Variants in MUC5AC observed in about 807,000 individuals in gnomAD.
MUC5AC encodes the protein mucin-5AC.
A neutral mutation model predicts 169.7 loss-of-function variants in MUC5AC; 158 were observed. The observed-to-expected ratio is 0.93, with a 90% CI of 0.82 to 1.06. The LOEUF (loss-of-function observed/expected upper bound fraction) is 1.06. Ranked by LOEUF, MUC5AC falls within the 50% of genes least tolerant of loss-of-function variation. The probability of loss-of-function intolerance (pLI) is 0.00; values close to 1 mark genes in which losing one functional copy is unlikely to be tolerated. For synonymous variants in MUC5AC, 1,975 were observed against 1,237.0 expected (o/e 1.60, Z -12.52); for missense variants, 4,359 against 3,089.9 (o/e 1.41, Z -9.74).
At chr11:1,195,457 G>A (rs2133774345) in intron 36 of MUC5AC, among the ~76,000 whole-genome samples, 178 bp downstream of exon 36, 1 of 151,786 alleles carries the variant, frequency 6.6e-6, no homozygotes, top group Non-Finnish European at 1.5e-5. Context: ...GGGAGGGGTG[G>A]GCAGTGGGGA....
chr11:1,175,499 C>A (rs1860647709), intron 19 of MUC5AC, among the ~76,000 whole-genome samples: 1 of 150,642 alleles, frequency 6.6e-6, no homozygotes. Flanking sequence ...GCTCACACAC[C>A]CACTCATGCA....
At chr11:1,169,221 T>A (rs544431044) in intron 15 of MUC5AC, 195 bp downstream of exon 15, 2 of 938,262 alleles carry the variant, frequency 2.1e-6, no homozygotes, top group South Asian at 9.9e-5. Context: ...ATGTGGGGCA[T>A]CTGCTTCAGG....
chr11:1,171,076 CCATT>C (rs1860506521), intron 15 of MUC5AC, among the ~76,000 whole-genome samples: 1 of 101,136 alleles, frequency 9.9e-6, no homozygotes, highest in Admixed American at 9.2e-5. Context: ...ACCGACTCAC[CCATT>C]CACACACTCA....
intron 1 of MUC5AC, 71 bp from the exon 2 acceptor site, chr11:1,160,541 C>A: frequency 7.5e-7 from 1 of 1,341,858 alleles, no homozygotes; most frequent in Non-Finnish European, 1.0e-6. Flanking sequence ...GTCCATGCTG[C>A]ATCTGTGGCC....
rs770715446 is a variant in MUC5AC, at chr11:1,200,559, G to A, written c.16822G>A (p.Glu5608Lys). 21 of 764,426 alleles carry A rather than the reference G, an allele frequency of 2.7e-5. No homozygotes were observed. Among genetic ancestry groups the A allele is most frequent in the Non-Finnish European group, 4.3e-5 (18 of 417,584 alleles). The allele number at this position is 764,426 out of a possible 1,614,324, so 47.4% of individuals were successfully genotyped here. A position where few individuals can be genotyped will look rare whatever the true frequency, so the allele number is the denominator to read the frequency against. The change falls in exon 49 of 49, where the codon GAG becomes AAG. Residue 5608 changes from glutamate (E) to lysine (K), a missense_variant. Transcript: ENST00000621226. ...CTCCAGCCGGGCCTTCAGCTACACC[G>A]AGGTGGAAGAGTGCGGCTGCATGGG... ...DGSSRAFSYT[E>K]VEECGCMGRR...
chr11:1,170,462 G>A (rs1336706069), intron 15 of MUC5AC, among the ~76,000 whole-genome samples: 10,118 of 32,848 alleles, frequency 0.31, 777 homozygotes, highest in Non-Finnish European at 0.34. Flanking sequence ...CCCACTCACC[G>A]ACTCACCCAT....
chr11:1,159,792 A>G (rs1438953670), intron 1 of MUC5AC, among the ~76,000 whole-genome samples: 1 of 65,116 alleles, frequency 1.5e-5, no homozygotes. Flanking sequence ...TGGTCCCACC[A>G]TGCTGGCTCT....
In MUC5AC at chr11:1,193,419, C is replaced by G; in HGVS notation, c.14581-66C>G. 6 of 663,156 alleles carry G rather than the reference C, an allele frequency of 9.0e-6. No individual in the cohort carries two copies. The South Asian group carries it at 9.6e-5, about 11-fold the overall frequency. The allele number at this position is 663,156 out of a possible 1,614,324, so 41.1% of individuals were successfully genotyped here. ...CACGGGACTCTCGGGACTGTGACCC[C>G]GAGAACCAAGGGGTGCCCCGGAGAT... On this transcript the variant is annotated intron_variant, in intron 32 of 48. Coordinates refer to ENST00000621226, the MANE Select transcript of MUC5AC (RefSeq NM_001304359.2).
chr11:1,194,206 T>C lies in MUC5AC; in HGVS notation c.14852T>C (p.Ile4951Thr), dbSNP rs745540531. 18 of 765,058 alleles carry C rather than the reference T, an allele frequency of 2.4e-5. No homozygotes were observed. The highest frequency in any genetic ancestry group is 1.2e-4 in the East Asian group (5 of 41,246). The allele number at this position is 765,058 out of a possible 1,614,324, so 47.4% of individuals were successfully genotyped here. Residue 4951 changes from isoleucine (I) to threonine (T), a missense_variant, in exon 34 of 49, where the codon ATT becomes ACT. Ile to Thr is a moderately conservative substitution (Grantham distance 89, BLOSUM62 -1). Coordinates refer to ENST00000621226, the MANE Select transcript of MUC5AC (RefSeq NM_001304359.2). ...TGCACGTACGTGCTGGTGCAGCAGA[T>C]TGTGCCCGTGTATGGCCACTTCCGC... ...DNCTYVLVQQ[I>T]VPVYGHFRVL...
chr11:1,198,888 C>G lies in MUC5AC; in HGVS notation c.16188C>G (p.Val5396=). ...GCTCTCCCCAGCCCGGCGCCGTGGTCTCCTCGAGCCTGTGCGAAACCTGCA... is the reference window on the plus strand; with the variant it reads ...GCTCTCCCCAGCCCGGCGCCGTGGTGTCCTCGAGCCTGTGCGAAACCTGCA... The part of the protein sequence containing the change: ...NGTLYQPGAV[V]SSSLCETCRC... Residue 5396 remains valine, a synonymous_variant, in exon 44 of 49, where the codon GTC becomes GTG. Coordinates refer to ENST00000621226, the MANE Select transcript of MUC5AC (RefSeq NM_001304359.2). The G allele has an allele frequency of 1.3e-6, 1 of 750,542 alleles. No individual in the cohort carries two copies. The highest frequency in any genetic ancestry group is 1.8e-5 in the Admixed American group (1 of 56,850). The allele number at this position is 750,542 out of a possible 1,614,324, so 46.5% of individuals were successfully genotyped here. A position where few individuals can be genotyped will look rare whatever the true frequency, so the allele number is the denominator to read the frequency against.
chr11:1,174,789 G>A (rs1860633202), intron 17 of MUC5AC, 93 bp from the exon 18 acceptor site: 3 of 458,766 alleles, frequency 6.5e-6, no homozygotes, highest in African/African-American at 4.0e-5. Context: ...GGAGGGGAGG[G>A]GAGGGTAGCC....
rs376108525 is a variant in MUC5AC at position 1,196,709 on chromosome 11, C to A, written c.15818C>A (p.Thr5273Lys). ...ACCAGTGCCCAAGTCTGCGTGCCCA[C>A]GGGCTGCCCCAGTACGTGCCCCAGG... ...FSTSAQVCVP[T>K]GCPRCLGPHG... Residue 5273 changes from threonine to lysine, a missense_variant, in exon 39 of 49, where the codon ACG (threonine) becomes AAG (lysine). By Grantham distance (78) the Thr-to-Lys change is moderately conservative. Coordinates refer to ENST00000621226, the MANE Select transcript of MUC5AC (RefSeq NM_001304359.2). The A allele has an allele frequency of 3.8e-4, 284 of 757,320 alleles. 2 individuals are homozygous for A. The highest frequency in any genetic ancestry group is 6.4e-4 in the Non-Finnish European group (267 of 414,634). The allele number at this position is 757,320 out of a possible 1,614,324, so 46.9% of individuals were successfully genotyped here.
Position 1,161,949 on chromosome 11 carries a change from G to A in MUC5AC, c.254G>A (p.Gly85Asp). The A allele has an allele frequency of 6.2e-7, 1 of 1,612,110 alleles. No homozygotes were observed. The highest frequency in any genetic ancestry group is 1.1e-5 in the South Asian group (1 of 90,926). ...AACGGGCGGGTGTGCAGCACCTGGGGCAGCTTCCACTACAAGACCTTCGAC... is the reference window on the plus strand; with the variant it reads ...AACGGGCGGGTGTGCAGCACCTGGGACAGCTTCCACTACAAGACCTTCGAC... ...AHNGRVCSTW[G>D]SFHYKTFDGD... The change falls in exon 4 of 49, where the codon GGC (glycine) becomes GAC (aspartate). Residue 85 changes from glycine (G) to aspartate (D), a missense_variant. Coordinates refer to ENST00000621226, the MANE Select transcript of MUC5AC (RefSeq NM_001304359.2).
At chr11:1,198,729 C>A in intron 43 of MUC5AC, 145 bp from the exon 44 acceptor site, 1 of 612,856 alleles carries the variant, frequency 1.6e-6, no homozygotes, top group South Asian at 1.9e-5. Context: ...CACCACGAGT[C>A]ACCCCAGGGG....
chr11:1,185,574 A>C lies in MUC5AC; in HGVS notation c.7429A>C (p.Thr2477Pro), dbSNP rs1232207467. ...RTTSAPKSSTTSAATTSTTSG... is the reference protein window; with the variant it reads ...RTTSAPKSSTPSAATTSTTSG... The stretch of plus-strand genomic sequence containing the variant: ...AACTTCTGCTCCTAAAAGCAGCACA[A>C]CCTCTGCCGCTACAACCAGCACAAC... Residue 2477 changes from threonine (T) to proline (P), a missense_variant, in exon 31 of 49, where the codon ACC (threonine) becomes CCC (proline). Transcript: ENST00000621226. 1.4e-6 allele frequency: 1 copy of C among 720,654 alleles called. No individual in the cohort carries two copies. Among genetic ancestry groups the C allele is most frequent in the Non-Finnish European group, 2.5e-6 (1 of 395,504 alleles). The allele number at this position is 720,654 out of a possible 1,614,324, so 44.6% of individuals were successfully genotyped here. A position where few individuals can be genotyped will look rare whatever the true frequency, so the allele number is the denominator to read the frequency against.
In MUC5AC at chr11:1,168,647, G is replaced by A. The variant is rs756349108; in HGVS notation, c.1573G>A (p.Val525Ile). ...YTQLPISAANVTIFRPSTFFI... is the reference protein window; with the variant it reads ...YTQLPISAANITIFRPSTFFI... ...CTTGTCCTTTGTGTCCCCAGCCAAC[G>A]TCACCATCTTCAGACCCTCAACCTT... Residue 525 changes from valine (V) to isoleucine (I), a missense_variant, in exon 14 of 49, where the codon GTC becomes ATC. By Grantham distance (29) the Val-to-Ile change is conservative. Transcript: ENST00000621226. The A allele has an allele frequency of 6.2e-5, 100 of 1,609,996 alleles. 1 individual carries two copies. In the East Asian group the frequency reaches 1.9e-3, roughly 30 times the overall value.
At chr11:1,168,398 AC>A in intron 12 of MUC5AC, 84 bp from the exon 13 acceptor site, 1 of 1,341,078 alleles carries the variant, frequency 7.5e-7, no homozygotes, top group Non-Finnish European at 1.0e-6. Flanking sequence ...CCTCCTAGGC[AC>A]CTGCAGGCAC....
intron 2 of MUC5AC, among the ~76,000 whole-genome samples, chr11:1,161,147 C>G (rs1028527100): frequency 6.6e-6 from 1 of 152,296 alleles, no homozygotes; most frequent in South Asian, 2.1e-4. Context: ...GGGCAGGGGG[C>G]TTCAGGCAAA....
chr11:1,161,257 A>G (rs926716462), intron 2 of MUC5AC, among the ~76,000 whole-genome samples: 1 of 151,950 alleles, frequency 6.6e-6, no homozygotes, highest in Non-Finnish European at 1.5e-5. Context: ...TCTGAGGCCC[A>G]TGGGCATGTG....
Sources: gnomAD v4.1 joint callset for allele counts (sites outside exome capture counted in the v4.1 genomes callset) on GRCh38, gnomAD v4.1.1 for gene constraint, MANE v1.5 for transcripts, NCBI Gene and HGNC (gene_info 2026-07-23, HGNC 2026-07-21) for gene names.